The following SESN1 variants were observed in gnomAD, a reference collection of about 807,000 sequenced individuals.
SESN1 encodes the protein sestrin 1, also known as sestrin-1.
A neutral mutation model predicts 59.3 loss-of-function variants in SESN1; 30 were observed. That is an observed-to-expected ratio of 0.51 (90% CI 0.38 to 0.69). The LOEUF (loss-of-function observed/expected upper bound fraction) is 0.69. Among genes scored for constraint, SESN1 ranks in the 30% least tolerant of loss-of-function variants. The pLI is 0.00. For missense variants in SESN1, 566 were observed against 673.0 expected (o/e 0.84, Z 1.76); for synonymous variants, 197 against 219.9 (o/e 0.90, Z 0.92).
chr6:108,988,454 G>T, intron 9 of SESN1, 89 bp downstream of exon 9: 1 of 1,208,958 alleles, frequency 8.3e-7, no homozygotes, highest in Non-Finnish European at 1.1e-6. Context: ...TAGGGGTGAT[G>T]GAAAGGGTTT....
chr6:109,029,011 G>A (rs1479283696), intron 1 of SESN1, among the ~76,000 whole-genome samples: 1 of 152,124 alleles, frequency 6.6e-6, no homozygotes, highest in Non-Finnish European at 1.5e-5. Context: ...CACTTCATAA[G>A]TATAAAATTC....
intron 1 of SESN1, among the ~76,000 whole-genome samples, chr6:109,085,074 C>A (rs1781190093): frequency 6.7e-6 from 1 of 149,686 alleles, no homozygotes; most frequent in African/African-American, 2.5e-5. Context: ...TATACAGTAA[C>A]TTTATGGTAC....
intron 1 of SESN1, among the ~76,000 whole-genome samples, chr6:109,072,127 T>C (rs1348142248): frequency 6.6e-6 from 1 of 152,222 alleles, no homozygotes. Context: ...TGATCCTCTT[T>C]TACTAATTAC....
rs546551537 is a variant in SESN1, at chr6:109,028,898, C to T, written c.280-26555G>A. Among the ~76,000 whole-genome samples, 5 of 152,220 alleles carry T rather than the reference C, an allele frequency of 3.3e-5. No homozygotes were observed. The East Asian group carries it at 7.7e-4, about 23-fold the overall frequency. On this transcript the variant is annotated intron_variant, in intron 1 of 9. Coordinates refer to ENST00000436639, the MANE Select transcript of SESN1 (RefSeq NM_014454.3). ...GAAATGAAAAAATGGTACAGGATTG[C>T]GCATGGTGCATATGGTGACATGAGA...
chr6:109,089,646 C>T (rs1310708717), intron 1 of SESN1, among the ~76,000 whole-genome samples: 1 of 152,168 alleles, frequency 6.6e-6, no homozygotes, highest in Non-Finnish European at 1.5e-5. Flanking sequence ...GACCCCCTGC[C>T]ACTCTTTTGT....
intron 1 of SESN1, among the ~76,000 whole-genome samples, chr6:109,035,375 A>G (rs1204511234): frequency 6.6e-6 from 1 of 152,114 alleles, no homozygotes. Flanking sequence ...TGTACACTAC[A>G]CCTCTGTGGT....
chr6:109,087,716 A>C (rs1781236885), intron 1 of SESN1, among the ~76,000 whole-genome samples: 1 of 152,202 alleles, frequency 6.6e-6, no homozygotes, highest in African/African-American at 2.4e-5. Context: ...AATCAAAACA[A>C]AACAATCATT....
chr6:109,021,575 C>CCG (rs1033824568), intron 1 of SESN1, among the ~76,000 whole-genome samples: 2 of 152,008 alleles, frequency 1.3e-5, no homozygotes, highest in African/African-American at 4.8e-5. Flanking sequence ...TTAGCTGGGA[C>CCG]TACGGATGCC....
intron 1 of SESN1, among the ~76,000 whole-genome samples, chr6:109,072,566 T>C (rs1345977263): frequency 1.3e-5 from 2 of 152,236 alleles, no homozygotes; most frequent in African/African-American, 2.4e-5. Context: ...CTTCATAGTA[T>C]ATTGTTGATT....
intron 1 of SESN1, among the ~76,000 whole-genome samples, chr6:109,049,725 A>G (rs1780513153): frequency 6.7e-6 from 1 of 150,084 alleles, no homozygotes; most frequent in African/African-American, 2.4e-5. Context: ...ATATACTAAT[A>G]TTGATGTATA....
At chr6:109,042,622 T>C (rs1780360275) in intron 1 of SESN1, among the ~76,000 whole-genome samples, 1 of 151,222 alleles carries the variant, frequency 6.6e-6, no homozygotes, top group South Asian at 2.1e-4. Context: ...TTAGACAAAA[T>C]GGGTCAATTC....
At chr6:109,001,105 CTTCT>C (rs1468435067) in intron 3 of SESN1, among the ~76,000 whole-genome samples, 179 bp downstream of exon 3, 1 of 152,098 alleles carries the variant, frequency 6.6e-6, no homozygotes, top group African/African-American at 2.4e-5. Flanking sequence ...TAAATACTTG[CTTCT>C]TTTTCTGTTA....
intron 5 of SESN1, among the ~76,000 whole-genome samples, chr6:108,995,947 G>A (rs539640690): frequency 2.0e-5 from 3 of 152,178 alleles, no homozygotes; most frequent in African/African-American, 7.2e-5. Flanking sequence ...TTACATCCTT[G>A]TAAACACTGT....
chr6:108,990,326 A>G (rs963546433), intron 8 of SESN1, among the ~76,000 whole-genome samples: 3 of 152,360 alleles, frequency 2.0e-5, no homozygotes, highest in Non-Finnish European at 4.4e-5. Context: ...GATAGATTAT[A>G]TGAAGAGAAA....
intron 1 of SESN1, among the ~76,000 whole-genome samples, chr6:109,059,825 A>G (rs1780701608): frequency 6.6e-6 from 1 of 152,176 alleles, no homozygotes; most frequent in South Asian, 2.1e-4. Context: ...ATTGTTTTAA[A>G]AAGTTACTTA....
At chr6:109,070,318 A>C (rs1017061654) in intron 1 of SESN1, among the ~76,000 whole-genome samples, 1 of 152,136 alleles carries the variant, frequency 6.6e-6, no homozygotes, top group Admixed American at 6.5e-5. Flanking sequence ...AACCGTAGGA[A>C]TCTCTACTCA....
intron 1 of SESN1, among the ~76,000 whole-genome samples, chr6:109,043,481 T>C (rs528128100): frequency 2.0e-5 from 3 of 152,216 alleles, no homozygotes; most frequent in Non-Finnish European, 4.4e-5. Context: ...AAGGAATTTA[T>C]AAAAAACAAC....
intron 1 of SESN1, among the ~76,000 whole-genome samples, chr6:109,088,611 G>A (rs1252106060): frequency 6.6e-6 from 1 of 152,052 alleles, no homozygotes; most frequent in Non-Finnish European, 1.5e-5. Context: ...TTGATTGCTG[G>A]CAAACTTATG....
chr6:109,046,921 G>A (rs1445467080), intron 1 of SESN1, among the ~76,000 whole-genome samples: 1 of 121,242 alleles, frequency 8.2e-6, no homozygotes, highest in African/African-American at 3.0e-5. Context: ...GAGCCTCTCC[G>A]CCCGGCAGCC....
Sources: allele counts gnomAD v4.1 joint callset (sites outside exome capture counted in the v4.1 genomes callset), GRCh38; gene constraint gnomAD v4.1.1; transcripts MANE v1.5; gene names NCBI Gene and HGNC (gene_info 2026-07-23, HGNC 2026-07-21).